CGNL1: variants seen among roughly 807,000 people sequenced by gnomAD.
The protein encoded by CGNL1 is cingulin-like protein 1.
CGNL1 carries 132 observed loss-of-function variants against 141.2 expected under a neutral mutation model. The observed-to-expected ratio is 0.93, with a 90% CI of 0.81 to 1.08. The LOEUF (loss-of-function observed/expected upper bound fraction) is 1.08, where lower values mean the gene tolerates loss of function less well. Ranked by LOEUF, CGNL1 falls within the 50% of genes least tolerant of loss-of-function variation. CGNL1 has a pLI of 0.00. For missense variants in CGNL1, 1,870 were observed against 1,588.6 expected (o/e 1.18, Z -3.01); for synonymous variants, 690 against 622.1 (o/e 1.11, Z -1.63).
At chr15:57,439,703 A>C in intron 2 of CGNL1, 102 bp downstream of exon 2, 1 of 1,133,442 alleles carries the variant, frequency 8.8e-7, no homozygotes, top group Non-Finnish European at 1.3e-6. Flanking sequence ...CACATCCTCA[A>C]TCTTGTATCA....
intron 9 of CGNL1, among the ~76,000 whole-genome samples, chr15:57,517,690 T>TG (rs2030923829): frequency 1.3e-5 from 2 of 151,884 alleles, no homozygotes; most frequent in African/African-American, 4.8e-5. Context: ...AGAGGTGGAG[T>TG]GGGGAACTGA....
At chr15:57,413,221 T>TCCCTCCCTC (rs2062811705) in intron 1 of CGNL1, among the ~76,000 whole-genome samples, 1 of 137,020 alleles carries the variant, frequency 7.3e-6, no homozygotes, top group African/African-American at 2.8e-5. Context: ...CTTCCTCTCT[T>TCCCTCCCTC]CCTCCCTCCC....
At chr15:57,418,660 G>A (rs1477669089) in intron 1 of CGNL1, among the ~76,000 whole-genome samples, 1 of 152,138 alleles carries the variant, frequency 6.6e-6, no homozygotes, top group African/African-American at 2.4e-5. Flanking sequence ...CTAGTCCCCT[G>A]AGCTTGGAGA....
At chr15:57,529,038 T>C (rs1305033484) in intron 13 of CGNL1, 4 of 454,366 alleles carry the variant, frequency 8.8e-6, no homozygotes, top group Admixed American at 7.5e-5. Context: ...TAAATTAGTC[T>C]AACATTCTCA....
Position 57,441,089 on chromosome 15 carries a change from AG to A in CGNL1, c.1697+619del, listed in dbSNP as rs200541638. Among the ~76,000 whole-genome samples, 1,005 of 141,052 alleles carry A rather than the reference AG, an allele frequency of 7.1e-3. 5 individuals carry two copies. The highest frequency in any genetic ancestry group is 0.027 in the Middle Eastern group (7 of 264). 92.5% of individuals were successfully genotyped at this position (141,052 alleles called of 152,430 possible). A position where few individuals can be genotyped will look rare whatever the true frequency, so the allele number is the denominator to read the frequency against. On this transcript the variant is annotated intron_variant, in intron 3 of 18. Coordinates refer to ENST00000281282, the MANE Select transcript of CGNL1 (RefSeq NM_032866.5). ...GAGGAAGGACAAAAAAAAAAAAAAAAGCTTTACAGCCTACATGACTGAAAAC... is the reference window on the plus strand; with the variant it reads ...GAGGAAGGACAAAAAAAAAAAAAAAACTTTACAGCCTACATGACTGAAAAC...
chr15:57,451,745 G>T, intron 5 of CGNL1, 144 bp downstream of exon 5: 1 of 625,956 alleles, frequency 1.6e-6, no homozygotes, highest in Non-Finnish European at 2.8e-6. Flanking sequence ...ATAAATTCCT[G>T]TGTATTTGGC....
intron 4 of CGNL1, among the ~76,000 whole-genome samples, chr15:57,442,690 C>T (rs1351561516): frequency 2.6e-5 from 4 of 152,162 alleles, no homozygotes; most frequent in Admixed American, 6.5e-5. Flanking sequence ...ATGATCTTGG[C>T]TCACTGCAAC....
chr15:57,464,984 T>A (rs998512888), intron 8 of CGNL1, among the ~76,000 whole-genome samples: 1 of 152,100 alleles, frequency 6.6e-6, no homozygotes, highest in African/African-American at 2.4e-5. Flanking sequence ...ACACCTGGCC[T>A]CAAGTGATCT....
In CGNL1 at chr15:57,438,884, G is replaced by A. The variant is rs1424820513; in HGVS notation, c.885G>A (p.Arg295=). The A allele has an allele frequency of 3.7e-6, 6 of 1,614,048 alleles. No individual in the cohort carries two copies. The African/African-American group carries it at 5.3e-5, about 14-fold the overall frequency. The change falls in exon 2 of 19, where the codon AGG becomes AGA. Residue 295 remains arginine (R), a synonymous_variant. Coordinates refer to ENST00000281282, the MANE Select transcript of CGNL1 (RefSeq NM_032866.5). The stretch of plus-strand genomic sequence containing the variant: ...TCCTGGATGGAGCTCGGTCCCGGAG[G>A]TCCTCCTCGTCATCCACAACTCCCA... ...GPVLDGARSR[R]SSSSSTTPTS...
rs146503804 is a variant in CGNL1, at chr15:57,427,139, T to C, written c.-15-10846T>C. 4.4e-3 allele frequency among the ~76,000 whole-genome samples: 676 copies of C among 152,286 alleles called. 2 individuals carry two copies. Among genetic ancestry groups the C allele is most frequent in the African/African-American group, 0.013 (522 of 41,552 alleles). ...TGAGAGAATTCTGGGGAGGAAGGTCTTACTGGGGCATGAGGTCCCTGGTGT... is the reference window on the plus strand; with the variant it reads ...TGAGAGAATTCTGGGGAGGAAGGTCCTACTGGGGCATGAGGTCCCTGGTGT... On this transcript the variant is annotated intron_variant, in intron 1 of 18. Transcript: ENST00000281282.
chr15:57,445,451 G>A (rs1452925079), intron 4 of CGNL1, among the ~76,000 whole-genome samples: 1 of 152,156 alleles, frequency 6.6e-6, no homozygotes, highest in African/African-American at 2.4e-5. Flanking sequence ...TCTTTGCGGT[G>A]TCACTTAAGT....
chr15:57,523,720 A>G, intron 11 of CGNL1, 79 bp downstream of exon 11: 1 of 1,518,056 alleles, frequency 6.6e-7, no homozygotes, highest in Non-Finnish European at 9.0e-7. Context: ...GTCTGGTGAA[A>G]GCCTGGGAAA....
At chr15:57,540,496 C>T (rs1305219606) in intron 14 of CGNL1, among the ~76,000 whole-genome samples, 1 of 152,200 alleles carries the variant, frequency 6.6e-6, no homozygotes, top group Non-Finnish European at 1.5e-5. Context: ...CACTGGGTCC[C>T]TCCCATGACA....
At chr15:57,493,801 A>G (rs1486619931) in intron 8 of CGNL1, among the ~76,000 whole-genome samples, 2 of 152,228 alleles carry the variant, frequency 1.3e-5, no homozygotes, top group African/African-American at 2.4e-5. Context: ...TCCATCTGCT[A>G]TGGTTATAAT....
chr15:57,413,955 C>T (rs778973492), intron 1 of CGNL1, among the ~76,000 whole-genome samples: 1 of 152,112 alleles, frequency 6.6e-6, no homozygotes, highest in South Asian at 2.1e-4. Context: ...TTGTAGTACC[C>T]GGGGCTATGG....
intron 10 of CGNL1, among the ~76,000 whole-genome samples, chr15:57,521,657 C>T (rs972081751): frequency 6.6e-6 from 1 of 152,148 alleles, no homozygotes; most frequent in Non-Finnish European, 1.5e-5. Context: ...TGTTGGCAGG[C>T]CCTAGGCCCA....
At chr15:57,531,304 T>C (rs894781965) in intron 13 of CGNL1, among the ~76,000 whole-genome samples, 1 of 152,212 alleles carries the variant, frequency 6.6e-6, no homozygotes, top group African/African-American at 2.4e-5. Flanking sequence ...GAGCGTCAAG[T>C]GTTTTTTCCA....
At chr15:57,413,204 T>TCTC (rs747321033) in intron 1 of CGNL1, among the ~76,000 whole-genome samples, 11 of 138,382 alleles carry the variant, frequency 7.9e-5, no homozygotes, top group Non-Finnish European at 1.2e-4. Context: ...TCTTTCTCTC[T>TCTC]TTCTCTCTTC....
At chr15:57,378,621 G>A (rs1048986632) in intron 1 of CGNL1, among the ~76,000 whole-genome samples, 9 of 151,912 alleles carry the variant, frequency 5.9e-5, no homozygotes, top group Non-Finnish European at 1.2e-4. Flanking sequence ...GACCTCAGGT[G>A]ATCTGCCCAC....
Sources: allele counts gnomAD v4.1 joint callset (sites outside exome capture counted in the v4.1 genomes callset), GRCh38; gene constraint gnomAD v4.1.1; transcripts MANE v1.5; gene names NCBI Gene and HGNC (gene_info 2026-07-23, HGNC 2026-07-21).